The following ATP11A variants were observed in gnomAD, a reference collection of about 807,000 sequenced individuals.
The protein encoded by ATP11A is ATPase phospholipid transporting 11A.
In ATP11A, 81 loss-of-function variants were observed where a neutral mutation model predicts 154.4. The observed-to-expected ratio is 0.52, with a 90% CI of 0.44 to 0.63. The LOEUF is 0.63. Ranked by LOEUF, ATP11A falls within the 30% of genes least tolerant of loss-of-function variation. The pLI is 0.00. For missense variants in ATP11A, 1,316 were observed against 1,474.3 expected (o/e 0.89, Z 1.76); for synonymous variants, 623 against 585.9 (o/e 1.06, Z -0.91).
intron 1 of ATP11A, among the ~76,000 whole-genome samples, chr13:112,725,263 A>G (rs1248165205): frequency 1.3e-5 from 2 of 152,190 alleles, no homozygotes; most frequent in East Asian, 3.8e-4. Flanking sequence ...TGGACCTCCC[A>G]TGGCCAAGGT....
intron 23 of ATP11A, among the ~76,000 whole-genome samples, chr13:112,860,083 T>C (rs1358519797): frequency 6.6e-6 from 1 of 152,048 alleles, no homozygotes; most frequent in Non-Finnish European, 1.5e-5. Flanking sequence ...TAGAATGGGA[T>C]GAGTCAGTGT....
intron 2 of ATP11A, among the ~76,000 whole-genome samples, chr13:112,794,914 G>A (rs558401723): frequency 2.0e-4 from 31 of 151,944 alleles, no homozygotes; most frequent in Admixed American, 6.6e-4. Flanking sequence ...CATGCAGGTG[G>A]TTTCAAATTC....
rs1380678684 is a variant in ATP11A, at chr13:112,863,098, G to A, written c.2991+523G>A. Among the ~76,000 whole-genome samples the A allele has an allele frequency of 1.0e-4, 15 of 143,118 alleles. 2 individuals are homozygous for A. The highest frequency in any genetic ancestry group is 2.4e-4 in the African/African-American group (9 of 37,430). 93.9% of individuals were successfully genotyped at this position (143,118 alleles called of 152,430 possible). ...ATCACCACCTGCACAGTAATTCAGC[G>A]TAGCACATGCAGTTTCCCAGCGGGG... On this transcript the variant is annotated intron_variant, in intron 25 of 29. Transcript: ENST00000375645.
rs2080942697 is a variant in ATP11A, at chr13:112,884,495, T to G, written c.*2629T>G. 1 of 152,254 alleles carries G rather than the reference T, an allele frequency of 6.6e-6. No individual in the cohort carries two copies. The highest frequency in any genetic ancestry group is 2.1e-4 in the South Asian group (1 of 4,832). 9.4% of individuals were successfully genotyped at this position (152,254 alleles called of 1,614,324 possible). A position where few individuals can be genotyped will look rare whatever the true frequency, so the allele number is the denominator to read the frequency against. ...AATGAATGTGCCTGATGATTTGAAATAGACAAGGGGCACGAGATAAAAAAG... is the reference window on the plus strand; with the variant it reads ...AATGAATGTGCCTGATGATTTGAAAGAGACAAGGGGCACGAGATAAAAAAG... On this transcript the variant is annotated 3_prime_UTR_variant, in exon 30 of 30. Coordinates refer to ENST00000375645, the MANE Select transcript of ATP11A (RefSeq NM_015205.3).
At chr13:112,724,509 T>C (rs1889597492) in intron 1 of ATP11A, among the ~76,000 whole-genome samples, 1 of 144,012 alleles carries the variant, frequency 6.9e-6, no homozygotes, top group South Asian at 2.1e-4. Context: ...TCCAGAACCG[T>C]GTATGTGCGG....
rs150086386 is a variant in ATP11A, at chr13:112,781,975, G to A, written c.40-3160G>A. ...CCAATCTGGTGTCTGTTATGCTGAC[G>A]AGGCCATCAGGCAAGGCCGCGCACT... On this transcript the variant is annotated intron_variant, in intron 1 of 29. Transcript: ENST00000375645. Among the ~76,000 whole-genome samples, 1,000 of 152,228 alleles carry A rather than the reference G, an allele frequency of 6.6e-3. 3 individuals carry two copies. The highest frequency in any genetic ancestry group is 0.011 in the Non-Finnish European group (725 of 68,016).
At chr13:112,765,333 ACCCCAGG>A (rs1274267795) in intron 1 of ATP11A, among the ~76,000 whole-genome samples, 5 of 151,512 alleles carry the variant, frequency 3.3e-5, no homozygotes, top group Non-Finnish European at 2.9e-5. Context: ...GACGCCTGGA[ACCCCAGG>A]CCCGCCCTGC....
intron 2 of ATP11A, among the ~76,000 whole-genome samples, chr13:112,802,917 G>C (rs1055249912): frequency 5.3e-5 from 8 of 152,188 alleles, no homozygotes; most frequent in Admixed American, 5.2e-4. Context: ...AAGGGTGTTT[G>C]GATGGGTAGG....
intron 2 of ATP11A, among the ~76,000 whole-genome samples, chr13:112,791,689 C>T (rs2077862114): frequency 1.3e-5 from 2 of 152,288 alleles, no homozygotes; most frequent in South Asian, 2.1e-4. Context: ...TCGGTGGCTT[C>T]GCTCCGCCTG....
intron 1 of ATP11A, among the ~76,000 whole-genome samples, chr13:112,713,780 G>A (rs1209197176): frequency 1.3e-5 from 2 of 152,128 alleles, no homozygotes; most frequent in African/African-American, 4.8e-5. Flanking sequence ...CGGTTTGCAT[G>A]TGTCCAGTTG....
At chr13:112,826,353 CAA>C (rs1450666048) in intron 11 of ATP11A, among the ~76,000 whole-genome samples, 1 of 152,232 alleles carries the variant, frequency 6.6e-6, no homozygotes, top group Non-Finnish European at 1.5e-5. Context: ...ATAAGAGACA[CAA>C]AGAGATCCCA....
chr13:112,848,457 A>C (rs1206076265), intron 17 of ATP11A, among the ~76,000 whole-genome samples: 1 of 152,128 alleles, frequency 6.6e-6, no homozygotes, highest in Non-Finnish European at 1.5e-5. Flanking sequence ...TGGGGAGCAC[A>C]TTCTTCATGG....
At chr13:112,829,296 G>T (rs1487209957) in intron 12 of ATP11A, among the ~76,000 whole-genome samples, 1 of 152,196 alleles carries the variant, frequency 6.6e-6, no homozygotes, top group East Asian at 1.9e-4. Context: ...AAAATTGCAG[G>T]CCAGGACCCC....
intron 1 of ATP11A, among the ~76,000 whole-genome samples, chr13:112,726,059 G>A (rs1381247353): frequency 6.6e-6 from 1 of 152,270 alleles, no homozygotes; most frequent in African/African-American, 2.4e-5. Context: ...TGGTGTCTAG[G>A]GAGTCACAAT....
intron 1 of ATP11A, among the ~76,000 whole-genome samples, chr13:112,765,931 G>C (rs188176899): frequency 6.6e-6 from 1 of 152,242 alleles, no homozygotes; most frequent in East Asian, 1.9e-4. Context: ...CTGAAGCCGC[G>C]GCTTCCTTGC....
chr13:112,869,346 C>A (rs1566596515), intron 25 of ATP11A, among the ~76,000 whole-genome samples: 1 of 152,196 alleles, frequency 6.6e-6, no homozygotes, highest in Non-Finnish European at 1.5e-5. Context: ...CTCTGCAGGA[C>A]CAGGCATCCT....
chr13:112,736,486 C>T (rs1421151556), intron 1 of ATP11A, among the ~76,000 whole-genome samples: 3 of 152,166 alleles, frequency 2.0e-5, no homozygotes, highest in Non-Finnish European at 4.4e-5. Flanking sequence ...GCTTCACGTT[C>T]TACAATATAA....
intron 1 of ATP11A, among the ~76,000 whole-genome samples, chr13:112,695,593 T>A (rs373593082): frequency 5.3e-5 from 8 of 152,348 alleles, no homozygotes; most frequent in South Asian, 2.1e-4. Flanking sequence ...AAGTTTGTAT[T>A]ATTAGGTTTG....
chr13:112,754,549 G>A lies in ATP11A; in HGVS notation c.40-30586G>A, dbSNP rs530583669. 1 of 162,298 alleles carries A rather than the reference G, an allele frequency of 6.2e-6. No homozygotes were observed. The highest frequency in any genetic ancestry group is 1.4e-5 in the Non-Finnish European group (1 of 73,382). The allele number at this position is 162,298 out of a possible 1,614,324, so 10.1% of individuals were successfully genotyped here. A position where few individuals can be genotyped will look rare whatever the true frequency, so the allele number is the denominator to read the frequency against. On this transcript the variant is annotated intron_variant, in intron 1 of 29. Coordinates refer to ENST00000375645, the MANE Select transcript of ATP11A (RefSeq NM_015205.3). The surrounding 1 kb of genome is among the most constrained non-coding windows in gnomAD (Gnocchi z 5.3). ...CTTAGAGCCAGGCAGGACTCACTGC[G>A]GCTCCTGTGCTCCACGCTGCCCCCC...
Sources: gnomAD v4.1 joint callset for allele counts (sites outside exome capture counted in the v4.1 genomes callset) on GRCh38, gnomAD v4.1.1 for gene constraint, Gnocchi (gnomAD v3.1) non-coding constraint, MANE v1.5 for transcripts, NCBI Gene and HGNC (gene_info 2026-07-23, HGNC 2026-07-21) for gene names.